DLGAP2: variants seen among roughly 807,000 people sequenced by gnomAD.
DLGAP2 encodes the protein DLG associated protein 2.
Under a neutral mutation model 100.3 loss-of-function variants are expected in DLGAP2, and 26 were observed. That is an observed-to-expected ratio of 0.26 (90% CI 0.19 to 0.36). The LOEUF (loss-of-function observed/expected upper bound fraction) is 0.36, where lower values mean the gene tolerates loss of function less well. Ranked by LOEUF, DLGAP2 falls within the 10% of genes least tolerant of loss-of-function variation. DLGAP2 has a pLI of 1.00. For missense variants in DLGAP2, 1,858 were observed against 1,453.2 expected (o/e 1.28, Z -4.53); for synonymous variants, 886 against 630.1 (o/e 1.41, Z -6.08).
chr8:1,443,232 C>T (rs1304487619), intron 3 of DLGAP2, among the ~76,000 whole-genome samples: 1 of 152,162 alleles, frequency 6.6e-6, no homozygotes, highest in Non-Finnish European at 1.5e-5. Context: ...CTTCCCTCCA[C>T]TGCCCACAGA....
chr8:1,179,521 G>A (rs537403138), intron 2 of DLGAP2, among the ~76,000 whole-genome samples: 1 of 152,266 alleles, frequency 6.6e-6, no homozygotes. Flanking sequence ...CTGCTGGGAT[G>A]AGGCTTCCAC....
intron 1 of DLGAP2, among the ~76,000 whole-genome samples, chr8:840,846 G>A (rs1796971263): frequency 1.3e-5 from 2 of 152,164 alleles, no homozygotes; most frequent in African/African-American, 4.8e-5. Flanking sequence ...GGGGCACATC[G>A]TGCATTCGTC....
chr8:747,210 A>G (rs986758287), intron 1 of DLGAP2, among the ~76,000 whole-genome samples: 1 of 151,900 alleles, frequency 6.6e-6, no homozygotes, highest in South Asian at 2.1e-4. Flanking sequence ...GAGTTTGTGT[A>G]CTACCCACAA....
intron 2 of DLGAP2, among the ~76,000 whole-genome samples, chr8:1,153,289 A>T (rs1796727743): frequency 6.6e-6 from 1 of 152,148 alleles, no homozygotes; most frequent in Non-Finnish European, 1.5e-5. Flanking sequence ...GGAAGGAAAA[A>T]AATCAGCTTT....
intron 2 of DLGAP2, among the ~76,000 whole-genome samples, chr8:949,863 G>C (rs1003310390): frequency 1.3e-5 from 2 of 152,200 alleles, no homozygotes; most frequent in Admixed American, 1.3e-4. Flanking sequence ...TAATGGAACC[G>C]GCGCTTTTCT....
chr8:1,052,542 C>A (rs886952916), intron 2 of DLGAP2, among the ~76,000 whole-genome samples: 5 of 152,082 alleles, frequency 3.3e-5, no homozygotes, highest in African/African-American at 1.2e-4. Context: ...TAGGAGGAAT[C>A]CTTTGACGGG....
chr8:1,307,925 C>T (rs1044888181), intron 3 of DLGAP2, among the ~76,000 whole-genome samples: 5 of 148,870 alleles, frequency 3.4e-5, no homozygotes, highest in African/African-American at 1.0e-4. Context: ...AGGAAAAGGA[C>T]GCATTTTGGA....
chr8:1,155,916 C>A (rs1796775210), intron 2 of DLGAP2, among the ~76,000 whole-genome samples: 1 of 152,192 alleles, frequency 6.6e-6, no homozygotes, highest in South Asian at 2.1e-4. Context: ...TATGCAGAGG[C>A]CGAGGGAGCT....
At chr8:1,251,425 C>T (rs914750680) in intron 2 of DLGAP2, among the ~76,000 whole-genome samples, 6 of 152,140 alleles carry the variant, frequency 3.9e-5, no homozygotes, top group Non-Finnish European at 1.5e-5. Context: ...GATTCCATAG[C>T]ATCCACAAAT....
At chr8:1,533,082 C>T (rs749934510) in intron 4 of DLGAP2, among the ~76,000 whole-genome samples, 7 of 150,202 alleles carry the variant, frequency 4.7e-5, no homozygotes, top group South Asian at 4.2e-4. Flanking sequence ...TATTCTCCCC[C>T]GAAGAAATTT....
At chr8:1,318,714 G>T (rs569001557) in intron 3 of DLGAP2, among the ~76,000 whole-genome samples, 3 of 151,306 alleles carry the variant, frequency 2.0e-5, no homozygotes, top group South Asian at 4.2e-4. Context: ...AAATTGAGTG[G>T]TTCCTATTCG....
At chr8:1,173,388 A>G (rs1041157630) in intron 2 of DLGAP2, among the ~76,000 whole-genome samples, 10 of 152,286 alleles carry the variant, frequency 6.6e-5, no homozygotes, top group South Asian at 2.1e-4. Flanking sequence ...GCTGTGTGCT[A>G]GGAGAACCAC....
intron 4 of DLGAP2, among the ~76,000 whole-genome samples, chr8:1,541,912 G>A (rs933672113): frequency 2.0e-5 from 3 of 152,224 alleles, no homozygotes; most frequent in South Asian, 2.1e-4. Flanking sequence ...GTCACGGAAC[G>A]TTAAGTGAGA....
At chr8:1,507,097 T>C (rs1044696741) in intron 4 of DLGAP2, among the ~76,000 whole-genome samples, 3 of 152,256 alleles carry the variant, frequency 2.0e-5, no homozygotes, top group Admixed American at 2.0e-4. Flanking sequence ...GGAGCCCAGC[T>C]GGCTTCACCT....
At chr8:858,866 C>G (rs907621432) in intron 1 of DLGAP2, among the ~76,000 whole-genome samples, 1 of 152,182 alleles carries the variant, frequency 6.6e-6, no homozygotes, top group African/African-American at 2.4e-5. Flanking sequence ...AAGAGTAGCC[C>G]TCGTGTAATC....
intron 1 of DLGAP2, among the ~76,000 whole-genome samples, chr8:902,507 C>T (rs1002935766): frequency 2.1e-5 from 3 of 142,700 alleles, no homozygotes; most frequent in African/African-American, 8.0e-5. Flanking sequence ...GGGTGCCCTG[C>T]GTGAGGGTGA....
At chr8:810,018 T>C (rs569193661) in intron 1 of DLGAP2, among the ~76,000 whole-genome samples, 1 of 152,242 alleles carries the variant, frequency 6.6e-6, no homozygotes, top group African/African-American at 2.4e-5. Context: ...CAATCTGCTC[T>C]AACTCCTCCT....
intron 1 of DLGAP2, among the ~76,000 whole-genome samples, chr8:817,680 C>T (rs60194273): frequency 0.11 from 17,219 of 152,214 alleles, 1,523 homozygotes; most frequent in East Asian, 0.51. Context: ...TGTTCTCCCC[C>T]TTCCCTTAGG....
intron 1 of DLGAP2, among the ~76,000 whole-genome samples, chr8:878,060 T>G (rs1212375104): frequency 6.6e-6 from 1 of 152,184 alleles, no homozygotes; most frequent in Non-Finnish European, 1.5e-5. Context: ...TGTAGATGTT[T>G]TGTTGTTGTC....
Sources: gnomAD v4.1 joint callset for allele counts (sites outside exome capture counted in the v4.1 genomes callset) on GRCh38, gnomAD v4.1.1 for gene constraint, MANE v1.5 for transcripts, NCBI Gene and HGNC (gene_info 2026-07-23, HGNC 2026-07-21) for gene names.